The following CCDC170 variants were observed in gnomAD, a reference collection of about 807,000 sequenced individuals.
The protein encoded by CCDC170 is coiled-coil domain containing 170.
A neutral mutation model predicts 72.6 loss-of-function variants in CCDC170; 69 were observed. That is an observed-to-expected ratio of 0.95 (90% CI 0.78 to 1.16). The LOEUF is 1.16. Among genes scored for constraint, CCDC170 ranks in the 50% most tolerant of loss-of-function variants. The probability of loss-of-function intolerance (pLI) is 0.00; values close to 1 mark genes in which losing one functional copy is unlikely to be tolerated. For synonymous variants in CCDC170, 300 were observed against 303.9 expected (o/e 0.99, Z 0.13); for missense variants, 852 against 832.5 (o/e 1.02, Z -0.29).
chr6:151,588,554 A>G (rs1776488359), intron 7 of CCDC170, among the ~76,000 whole-genome samples: 1 of 152,160 alleles, frequency 6.6e-6, no homozygotes, highest in Admixed American at 6.5e-5. Flanking sequence ...TTGTGAATGG[A>G]AATAGGGGAT....
chr6:151,498,943 A>G (rs993220063), intron 1 of CCDC170, among the ~76,000 whole-genome samples: 13 of 145,778 alleles, frequency 8.9e-5, no homozygotes, highest in South Asian at 4.4e-4. Flanking sequence ...GGCACACTGT[A>G]TAAGTGGAAT....
Position 151,538,103 on chromosome 6 carries a change from C to G in CCDC170, c.245C>G (p.Ala82Gly), listed in dbSNP as rs773965668. 1 of 1,613,300 alleles carries G rather than the reference C, an allele frequency of 6.2e-7. No individual in the cohort carries two copies. Among genetic ancestry groups the G allele is most frequent in the African/African-American group, 1.3e-5 (1 of 74,876 alleles). The change falls in exon 3 of 11, where the codon GCT (alanine) becomes GGT (glycine). Residue 82 changes from alanine (A) to glycine (G), a missense_variant. Coordinates refer to ENST00000239374, the MANE Select transcript of CCDC170 (RefSeq NM_025059.4). Reference sequence around the variant, plus strand: ...GAAGTCTCCTGTCAAGAACTGAAAGCTGAAATGGAGAGCTACAAGGAAAAC... The same window carrying G: ...GAAGTCTCCTGTCAAGAACTGAAAGGTGAAATGGAGAGCTACAAGGAAAAC... ...SKEVSCQELK[A>G]EMESYKENNA...
At chr6:151,590,978 T>C (rs1460531866) in intron 7 of CCDC170, among the ~76,000 whole-genome samples, 4 of 152,352 alleles carry the variant, frequency 2.6e-5, no homozygotes, top group African/African-American at 9.6e-5. Flanking sequence ...CCTGAGGATG[T>C]AGAGACAAAA....
intron 1 of CCDC170, among the ~76,000 whole-genome samples, chr6:151,496,807 C>T (rs567405942): frequency 6.6e-6 from 1 of 152,186 alleles, no homozygotes; most frequent in South Asian, 2.1e-4. Context: ...AATGTATCAG[C>T]ATTTTAGTTT....
In CCDC170 at chr6:151,537,166, G is replaced by C. The variant is rs2115046967; in HGVS notation, c.186+720G>C. Among the ~76,000 whole-genome samples, 2 of 152,272 alleles carry C rather than the reference G, an allele frequency of 1.3e-5. 1 individual carries two copies. The highest frequency in any genetic ancestry group is 3.9e-4 in the East Asian group (2 of 5,184). ...TTCCAACTGGCTGGGGAAATTCTAG[G>C]AAGAAGAGTGGGATCCATCTACCCT... On this transcript the variant is annotated intron_variant, in intron 2 of 10. Transcript: ENST00000239374.
Position 151,533,256 on chromosome 6 carries a change from A to G in CCDC170, c.58-3062A>G, listed in dbSNP as rs377586751. Among the ~76,000 whole-genome samples, 1,190 of 151,118 alleles carry G rather than the reference A, an allele frequency of 7.9e-3. 5 individuals carry two copies. Among genetic ancestry groups the G allele is most frequent in the African/African-American group, 0.015 (628 of 41,246 alleles). ...TTTTTAGTAGAGACGGGGTTTCACC[A>G]TGTTAGCCAGGATGGTCTCGATCTC... On this transcript the variant is annotated intron_variant, in intron 1 of 10. Coordinates refer to ENST00000239374, the MANE Select transcript of CCDC170 (RefSeq NM_025059.4).
chr6:151,544,804 G>T (rs1440879080), intron 4 of CCDC170, 88 bp downstream of exon 4: 2 of 1,385,242 alleles, frequency 1.4e-6, no homozygotes, highest in South Asian at 2.8e-5. Context: ...GAGTTTGGGG[G>T]TGGCAGGAGA....
At chr6:151,517,934 ATTCT>A (rs896903140) in intron 1 of CCDC170, among the ~76,000 whole-genome samples, 2 of 125,716 alleles carry the variant, frequency 1.6e-5, no homozygotes, top group African/African-American at 6.0e-5. Context: ...TTTTTTTTTC[ATTCT>A]TTCTTGTTTT....
At chr6:151,614,114 AAAAAT>A (rs1776919122) in intron 9 of CCDC170, among the ~76,000 whole-genome samples, 1 of 152,184 alleles carries the variant, frequency 6.6e-6, no homozygotes, top group Non-Finnish European at 1.5e-5. Flanking sequence ...GTGGTAAAAT[AAAAAT>A]AACATAATAT....
rs530828874 is a variant in CCDC170, at chr6:151,543,882, T to C, written c.444-690T>C. Among the ~76,000 whole-genome samples, 34 of 152,312 alleles carry C rather than the reference T, an allele frequency of 2.2e-4. No homozygotes were observed. In the South Asian group the frequency reaches 6.4e-3, roughly 29 times the overall value. On this transcript the variant is annotated intron_variant, in intron 3 of 10. Transcript: ENST00000239374. ...CCATTCACTCACTGATGGGCACTTA[T>C]GTTGATTCCCTATCTTTGCTATTAT...
At chr6:151,565,122 C>G (rs1219926318) in intron 5 of CCDC170, among the ~76,000 whole-genome samples, 1 of 152,112 alleles carries the variant, frequency 6.6e-6, no homozygotes, top group South Asian at 2.1e-4. Flanking sequence ...TTGGCTTTGG[C>G]CCTGGCAGCA....
At chr6:151,587,663 CTG>C (rs765474116) in intron 7 of CCDC170, among the ~76,000 whole-genome samples, 1 of 152,142 alleles carries the variant, frequency 6.6e-6, no homozygotes, top group East Asian at 1.9e-4. Flanking sequence ...CCAAAGGTGT[CTG>C]TGGAAAATCA....
chr6:151,542,889 C>T (rs762009628), intron 3 of CCDC170, among the ~76,000 whole-genome samples: 13 of 152,058 alleles, frequency 8.5e-5, no homozygotes, highest in Non-Finnish European at 1.3e-4. Context: ...AGAGTTTTAC[C>T]TTTCATATGC....
chr6:151,557,361 A>T lies in CCDC170; in HGVS notation c.774+8872A>T, dbSNP rs190904691. 9.3e-3 allele frequency among the ~76,000 whole-genome samples: 1,407 copies of T among 151,716 alleles called. 14 individuals are homozygous for T. The highest frequency in any genetic ancestry group is 0.033 in the African/African-American group (1,352 of 41,318). ...GAGGCGGAGGTTGCAGTGAGCCGAG[A>T]TCACGCCACTGCACTGCAGCTTGGG... On this transcript the variant is annotated intron_variant, in intron 5 of 10. Coordinates refer to ENST00000239374, the MANE Select transcript of CCDC170 (RefSeq NM_025059.4).
chr6:151,544,638 A>G lies in CCDC170; in HGVS notation c.510A>G (p.Glu170=). 6.2e-7 allele frequency: 1 copy of G among 1,613,784 alleles called. No homozygotes were observed. The highest frequency in any genetic ancestry group is 8.5e-7 in the Non-Finnish European group (1 of 1,179,698). Residue 170 remains glutamate, a synonymous_variant, in exon 4 of 11, where the codon GAA becomes GAG. Transcript: ENST00000239374. ...CAAAGAATTGCAGGAAACATGAGGA[A>G]TTTCTGACTCAACTGCGTGACTGCT... The part of the protein sequence containing the change: ...QVSKNCRKHE[E]FLTQLRDCLD...
intron 5 of CCDC170, among the ~76,000 whole-genome samples, chr6:151,568,902 T>C (rs1368461942): frequency 6.6e-6 from 1 of 152,232 alleles, no homozygotes; most frequent in African/African-American, 2.4e-5. Context: ...ATATTCCTCA[T>C]TTTCTATATT....
chr6:151,548,975 G>A (rs1014439598), intron 5 of CCDC170, among the ~76,000 whole-genome samples: 5 of 151,982 alleles, frequency 3.3e-5, no homozygotes, highest in South Asian at 2.1e-4. Context: ...ATCTTGGCTT[G>A]CTGAAGCTCC....
At chr6:151,524,262 A>C (rs1782369443) in intron 1 of CCDC170, among the ~76,000 whole-genome samples, 1 of 152,204 alleles carries the variant, frequency 6.6e-6, no homozygotes, top group South Asian at 2.1e-4. Context: ...CTGTGCCTGC[A>C]GGCTGTTCTT....
chr6:151,523,588 A>T (rs1389072064), intron 1 of CCDC170, among the ~76,000 whole-genome samples: 1 of 151,796 alleles, frequency 6.6e-6, no homozygotes, highest in Non-Finnish European at 1.5e-5. Context: ...CGGGACGCTG[A>T]GGCAGGAAAA....
Sources: gnomAD v4.1 joint callset for allele counts (sites outside exome capture counted in the v4.1 genomes callset) on GRCh38, gnomAD v4.1.1 for gene constraint, MANE v1.5 for transcripts, NCBI Gene and HGNC (gene_info 2026-07-23, HGNC 2026-07-21) for gene names.